LY96: variants seen among roughly 807,000 people sequenced by gnomAD.
LY96 encodes the protein myeloid differentiation protein-2.
Under a neutral mutation model 18.9 loss-of-function variants are expected in LY96, and 18 were observed. That is an observed-to-expected ratio of 0.95 (90% CI 0.66 to 1.41). LY96 has a LOEUF of 1.41. Among genes scored for constraint, LY96 ranks in the 40% most tolerant of loss-of-function variants. The pLI is 0.00. For synonymous variants in LY96, 66 were observed against 62.6 expected, an observed-to-expected ratio of 1.06 and a Z score of -0.26; for missense variants, 175 against 182.4, an observed-to-expected ratio of 0.96 and a Z score of 0.23.
chr8:74,087,662 C>T, the LY96 span, among the ~76,000 whole-genome samples: 22 of 152,188 alleles, frequency 1.4e-4, no homozygotes, highest in African/African-American at 5.1e-4. Flanking sequence ...GACTGCCTAT[C>T]TTCTATTTCA....
the LY96 span, among the ~76,000 whole-genome samples, chr8:74,068,080 A>AT: frequency 4.7e-4 from 64 of 136,040 alleles, 3 homozygotes; most frequent in South Asian, 3.2e-3. Flanking sequence ...AAAAAAAAAA[A>AT]AAAAAAAAAA....
intron 3 of LY96, among the ~76,000 whole-genome samples, chr8:74,018,490 C>T (rs1471794782): frequency 6.6e-6 from 1 of 152,160 alleles, no homozygotes; most frequent in Non-Finnish European, 1.5e-5. Flanking sequence ...TTTAACACCC[C>T]ACTGTCAATA....
chr8:74,083,579 C>CCAGT, the LY96 span, among the ~76,000 whole-genome samples: 1 of 152,154 alleles, frequency 6.6e-6, no homozygotes, highest in Non-Finnish European at 1.5e-5. Context: ...TATCAGATAT[C>CCAGT]CAGTCACATT....
chr8:74,098,314 C>A, the LY96 span, among the ~76,000 whole-genome samples: 1 of 152,106 alleles, frequency 6.6e-6, no homozygotes, highest in Non-Finnish European at 1.5e-5. Flanking sequence ...CCTTATGGTG[C>A]AAGCTAATCA....
intron 3 of LY96, among the ~76,000 whole-genome samples, chr8:74,014,765 A>G (rs762899036): frequency 6.6e-6 from 1 of 151,964 alleles, no homozygotes; most frequent in Non-Finnish European, 1.5e-5. Context: ...TTTAGAAAAT[A>G]TGGACAAGCA....
the LY96 span, among the ~76,000 whole-genome samples, chr8:74,042,478 C>T: frequency 1.9e-4 from 29 of 151,914 alleles, no homozygotes; most frequent in African/African-American, 5.8e-4. Flanking sequence ...CAACCGAGAT[C>T]GTTCACTCCA....
chr8:74,063,021 G>A, the LY96 span, among the ~76,000 whole-genome samples: 1 of 152,134 alleles, frequency 6.6e-6, no homozygotes, highest in African/African-American at 2.4e-5. Flanking sequence ...TCTCAGCTGT[G>A]TCATTCTGTA....
intron 1 of LY96, among the ~76,000 whole-genome samples, chr8:73,997,716 T>C (rs1400379889): frequency 6.6e-6 from 1 of 152,168 alleles, no homozygotes; most frequent in Admixed American, 6.5e-5. Context: ...AGGTTCCCCT[T>C]TCTTGGGTTT....
intron 3 of LY96, among the ~76,000 whole-genome samples, chr8:74,024,163 A>G: frequency 6.6e-6 from 1 of 152,188 alleles, no homozygotes; most frequent in Non-Finnish European, 1.5e-5. Flanking sequence ...TAGGTGCCAG[A>G]TATCCAAATA....
At chr8:74,010,539 CA>C (rs1816508437) in intron 3 of LY96, among the ~76,000 whole-genome samples, 1 of 151,840 alleles carries the variant, frequency 6.6e-6, no homozygotes, top group South Asian at 2.1e-4. Flanking sequence ...AGCTATATTC[CA>C]GCTTTTCCAT....
chr8:74,020,015 C>T (rs562853142), intron 3 of LY96, among the ~76,000 whole-genome samples: 9 of 152,306 alleles, frequency 5.9e-5, no homozygotes, highest in Non-Finnish European at 1.0e-4. Flanking sequence ...TGGCACAAGA[C>T]AGGGATGCCT....
intron 3 of LY96, among the ~76,000 whole-genome samples, chr8:74,020,974 A>G (rs868700338): frequency 3.9e-5 from 6 of 152,264 alleles, no homozygotes; most frequent in South Asian, 2.1e-4. Flanking sequence ...GCCCTATAAG[A>G]AAACCTAGGC....
the LY96 span, among the ~76,000 whole-genome samples, chr8:74,096,920 G>A: frequency 6.6e-6 from 1 of 152,152 alleles, no homozygotes; most frequent in Non-Finnish European, 1.5e-5. Context: ...TTTCCCTGGG[G>A]GTAGTTTCTG....
At chr8:74,020,079 G>A (rs1260437880) in intron 3 of LY96, among the ~76,000 whole-genome samples, 10 of 152,054 alleles carry the variant, frequency 6.6e-5, no homozygotes, top group Admixed American at 5.2e-4. Flanking sequence ...GGACAATAAG[G>A]CAAGGGAAAG....
At chr8:74,010,919 T>A (rs941762100) in intron 3 of LY96, among the ~76,000 whole-genome samples, 20 of 149,228 alleles carry the variant, frequency 1.3e-4, no homozygotes, top group Middle Eastern at 3.4e-3. Context: ...TTTTTTTTTT[T>A]AATTGTGCAT....
the LY96 span, among the ~76,000 whole-genome samples, chr8:74,061,658 C>A: frequency 2.0e-5 from 3 of 151,482 alleles, no homozygotes; most frequent in Admixed American, 1.3e-4. Flanking sequence ...GAATTTTTTT[C>A]AAAAAAAGAG....
chr8:74,075,309 T>C, the LY96 span, among the ~76,000 whole-genome samples: 2 of 152,358 alleles, frequency 1.3e-5, no homozygotes, highest in Admixed American at 1.3e-4. Flanking sequence ...CTTGCTCTAA[T>C]GACCAGGCTG....
At position 74,010,006 on chromosome 8, in the gene LY96, G is replaced by T. The variant is rs142571384; in HGVS notation, c.208G>T (p.Asp70Tyr). 18 of 1,599,396 alleles carry T rather than the reference G, an allele frequency of 1.1e-5. No individual in the cohort carries two copies. The highest frequency in any genetic ancestry group is 1.7e-4 in the Middle Eastern group (1 of 6,026). The change falls in exon 3 of 5, where the codon GAT (aspartate) becomes TAT (tyrosine). Residue 70 changes from aspartate (D) to tyrosine (Y), a missense_variant. Asp to Tyr is a radical substitution (Grantham distance 160). Coordinates refer to ENST00000284818, the MANE Select transcript of LY96 (RefSeq NM_015364.5). The part of the protein sequence containing the change: ...LLHIFYIPRR[D>Y]LKQLYFNLYI... ...TGGGATTTTTTCTTTTAAAGGGAGAGATTTAAAGCAATTATATTTCAATCT... is the reference window on the plus strand; with the variant it reads ...TGGGATTTTTTCTTTTAAAGGGAGATATTTAAAGCAATTATATTTCAATCT...
chr8:74,052,025 T>C, the LY96 span, among the ~76,000 whole-genome samples: 2 of 152,034 alleles, frequency 1.3e-5, no homozygotes, highest in Non-Finnish European at 2.9e-5. Flanking sequence ...CCTACAGATG[T>C]TTAGTGCAGC....
Sources: allele counts gnomAD v4.1 joint callset (sites outside exome capture counted in the v4.1 genomes callset), GRCh38; gene constraint gnomAD v4.1.1; transcripts MANE v1.5; gene names NCBI Gene and HGNC (gene_info 2026-07-23, HGNC 2026-07-21).